Variants in MAML3 observed in about 807,000 individuals in gnomAD.
MAML3 encodes mastermind like transcriptional coactivator 3.
A neutral mutation model predicts 101.9 loss-of-function variants in MAML3; 27 were observed. The ratio of observed to expected loss-of-function variants is 0.27; its 90% CI spans 0.20 to 0.37. MAML3 has a LOEUF of 0.37. Among genes scored for constraint, MAML3 ranks in the 10% least tolerant of loss-of-function variants. The probability of loss-of-function intolerance (pLI) is 1.00; values close to 1 mark genes in which losing one functional copy is unlikely to be tolerated. For synonymous variants in MAML3, 501 were observed against 555.9 expected (o/e 0.90, Z 1.39); for missense variants, 1,316 against 1,444.9 (o/e 0.91, Z 1.45).
At chr4:140,125,037 A>G (rs1049056832) in intron 1 of MAML3, among the ~76,000 whole-genome samples, 2 of 152,228 alleles carry the variant, frequency 1.3e-5, no homozygotes, top group African/African-American at 2.4e-5. Context: ...ATTATAATTA[A>G]AGAGTTTGAG....
chr4:139,991,323 C>T lies in MAML3; in HGVS notation c.469-100356G>A, dbSNP rs139458172. On this transcript the variant is annotated intron_variant, in intron 1 of 4. Transcript: ENST00000509479. ...GGGAAAGGATTCCCTATTTAATAAA[C>T]GGTGCTGGGAAAACAGGCTAGCCAT... Among the ~76,000 whole-genome samples, 21 of 152,198 alleles carry T rather than the reference C, an allele frequency of 1.4e-4. 1 individual carries two copies. The highest frequency in any genetic ancestry group is 1.2e-3 in the South Asian group (6 of 4,822).
At chr4:140,052,640 T>G (rs1727286790) in intron 1 of MAML3, among the ~76,000 whole-genome samples, 1 of 151,906 alleles carries the variant, frequency 6.6e-6, no homozygotes, top group African/African-American at 2.4e-5. Context: ...GTTCGAGTGA[T>G]TCTCCTGCCT....
rs145647560 is a variant in MAML3 at position 139,771,968 on chromosome 4, G to A, written c.2080-41301C>T. On this transcript the variant is annotated intron_variant, in intron 2 of 4. Transcript: ENST00000509479. ...TAAAAAAAAAAAAAAGTCCGGGCGCGGTGGCTCACGCCTGTAATCCCAGCA... is the reference window on the plus strand; with the variant it reads ...TAAAAAAAAAAAAAAGTCCGGGCGCAGTGGCTCACGCCTGTAATCCCAGCA... Among the ~76,000 whole-genome samples the A allele has an allele frequency of 4.1e-3, 610 of 150,544 alleles. 1 individual carries two copies. Among genetic ancestry groups the A allele is most frequent in the Non-Finnish European group, 6.7e-3 (454 of 67,594 alleles).
intron 1 of MAML3, 105 bp downstream of exon 1, chr4:140,152,755 G>T: frequency 6.7e-7 from 1 of 1,498,948 alleles, no homozygotes; most frequent in Non-Finnish European, 8.9e-7. Flanking sequence ...CTCACCCACC[G>T]TGCAAATCAG....
chr4:140,111,831 A>C (rs1266592612), intron 1 of MAML3, among the ~76,000 whole-genome samples: 1 of 152,236 alleles, frequency 6.6e-6, no homozygotes, highest in Non-Finnish European at 1.5e-5. Context: ...TCCACAATCA[A>C]TGGAAAGAGT....
intron 2 of MAML3, among the ~76,000 whole-genome samples, chr4:139,789,909 T>C (rs1345597717): frequency 5.3e-5 from 8 of 151,976 alleles, no homozygotes; most frequent in Non-Finnish European, 1.5e-5. Context: ...ACTGAGAAGC[T>C]TGTGAACTTG....
At chr4:139,839,724 A>G (rs1447706262) in intron 2 of MAML3, among the ~76,000 whole-genome samples, 2 of 152,130 alleles carry the variant, frequency 1.3e-5, no homozygotes, top group Non-Finnish European at 2.9e-5. Flanking sequence ...TTTCTAAATG[A>G]TTATTTCTGA....
At chr4:139,812,972 T>TAAAA (rs36096630) in intron 2 of MAML3, among the ~76,000 whole-genome samples, 3 of 128,246 alleles carry the variant, frequency 2.3e-5, no homozygotes, top group East Asian at 2.2e-4. Context: ...CTCAGAAATG[T>TAAAA]AAAAAAAAAA....
intron 1 of MAML3, among the ~76,000 whole-genome samples, chr4:140,040,826 A>C (rs948191667): frequency 3.9e-5 from 6 of 152,160 alleles, no homozygotes; most frequent in Non-Finnish European, 8.8e-5. Context: ...CCTTTCACTT[A>C]TTACATAAAC....
chr4:139,890,143 T>C lies in MAML3; in HGVS notation c.1293A>G (p.Pro431=), dbSNP rs781106731. ...PNQAHTPGQA[P]PRPGNGYLLN... ...GGAGATAACCATTTCCAGGCCGAGG[T>C]GGAGCTTGGCCTGGAGTGTGGGCTT... The change falls in exon 2 of 5, where the codon CCA becomes CCG. Residue 431 remains proline (P), a synonymous_variant. Transcript: ENST00000509479. This position sits in a 1 kb window ranked among gnomAD's most constrained non-coding sequence, Gnocchi z 4.1. The C allele has an allele frequency of 6.2e-7, 1 of 1,613,514 alleles. No homozygotes were observed. The highest frequency in any genetic ancestry group is 1.1e-5 in the South Asian group (1 of 91,064).
At chr4:140,025,213 T>C (rs1726800940) in intron 1 of MAML3, among the ~76,000 whole-genome samples, 1 of 152,210 alleles carries the variant, frequency 6.6e-6, no homozygotes, top group South Asian at 2.1e-4. Context: ...TATTAGATGA[T>C]ACTAATATTG....
chr4:140,008,538 C>T (rs1000165934), intron 1 of MAML3, among the ~76,000 whole-genome samples: 10 of 152,244 alleles, frequency 6.6e-5, no homozygotes, highest in African/African-American at 1.7e-4. Context: ...GAAGGAACTA[C>T]GAAGTGGAAC....
chr4:140,049,977 CA>C (rs1247016077), intron 1 of MAML3, among the ~76,000 whole-genome samples: 6 of 151,758 alleles, frequency 4.0e-5, no homozygotes, highest in Admixed American at 3.9e-4. Context: ...TGGAAAGTGG[CA>C]AAAGAGAAAT....
intron 1 of MAML3, among the ~76,000 whole-genome samples, chr4:140,086,117 T>A (rs1403399602): frequency 6.6e-6 from 1 of 152,240 alleles, no homozygotes; most frequent in East Asian, 1.9e-4. Flanking sequence ...CTCAAATGTT[T>A]GTTTTCCAAT....
chr4:139,919,990 A>G (rs1466267632), intron 1 of MAML3, among the ~76,000 whole-genome samples: 2 of 152,230 alleles, frequency 1.3e-5, no homozygotes, highest in African/African-American at 2.4e-5. Flanking sequence ...GCTGTAAAAA[A>G]GCCTTGTTAA....
In MAML3 at chr4:139,890,437, A is replaced by G; in HGVS notation, c.999T>C (p.Phe333=). Residue 333 remains phenylalanine (F), a synonymous_variant, in exon 2 of 5, where the codon TTT becomes TTC. Coordinates refer to ENST00000509479, the MANE Select transcript of MAML3 (RefSeq NM_018717.5). The surrounding 1 kb of genome is among the most constrained non-coding windows in gnomAD (Gnocchi z 4.1). ...DDIQDLFNED[F]EEKKEPEFSQ... is the part of the protein sequence containing the mutation. ...AGAATTCTGGCTCCTTCTTCTCTTCAAAGTCTTCGTTGAACAGGTCCTGTA... is the reference window on the plus strand; with the variant it reads ...AGAATTCTGGCTCCTTCTTCTCTTCGAAGTCTTCGTTGAACAGGTCCTGTA... 6.2e-7 allele frequency: 1 copy of G among 1,609,616 alleles called. No individual in the cohort carries two copies. The highest frequency in any genetic ancestry group is 1.1e-5 in the South Asian group (1 of 90,972).
intron 2 of MAML3, among the ~76,000 whole-genome samples, chr4:139,800,984 A>G (rs1730593927): frequency 1.3e-5 from 2 of 152,214 alleles, no homozygotes; most frequent in Admixed American, 6.5e-5. Flanking sequence ...GCAGGTAGGG[A>G]GATTTGTCAG....
chr4:139,889,773 G>C lies in MAML3; in HGVS notation c.1663C>G (p.Pro555Ala), dbSNP rs1732425590. The change falls in exon 2 of 5, where the codon CCT (proline) becomes GCT (alanine). Residue 555 changes from proline (P) to alanine (A), a missense_variant. Physicochemically the swap from Pro to Ala is conservative, Grantham distance 27. Transcript: ENST00000509479. ...QAFNNQNPIV[P>A]PMANNLQKTT... Reference sequence around the variant, plus strand: ...TTCTGCAGGTTGTTTGCCATTGGAGGCACTATAGGGTTTTGGTTGTTAAAG... The same window carrying C: ...TTCTGCAGGTTGTTTGCCATTGGAGCCACTATAGGGTTTTGGTTGTTAAAG... 1 of 1,613,882 alleles carries C rather than the reference G, an allele frequency of 6.2e-7. No homozygotes were observed.
intron 1 of MAML3, among the ~76,000 whole-genome samples, chr4:140,096,641 G>A (rs1038568238): frequency 8.5e-5 from 13 of 152,164 alleles, no homozygotes; most frequent in East Asian, 5.8e-4. Context: ...GGACTGACAC[G>A]TGGGAGCAGT....
Sources: gnomAD v4.1 joint callset for allele counts (sites outside exome capture counted in the v4.1 genomes callset) on GRCh38, gnomAD v4.1.1 for gene constraint, Gnocchi (gnomAD v3.1) non-coding constraint, MANE v1.5 for transcripts, NCBI Gene and HGNC (gene_info 2026-07-23, HGNC 2026-07-21) for gene names.